Variants in ERC2 observed in about 807,000 individuals in gnomAD.
The protein encoded by ERC2 is ELKS/RAB6-interacting/CAST family member 2, also known as ERC protein 2.
ERC2 carries 42 observed loss-of-function variants against 114.8 expected under a neutral mutation model. The ratio of observed to expected loss-of-function variants is 0.37; its 90% CI spans 0.29 to 0.47. The LOEUF is 0.47. Among genes scored for constraint, ERC2 ranks in the 20% least tolerant of loss-of-function variants. The pLI is 0.99. For synonymous variants in ERC2, 454 were observed against 425.5 expected, an observed-to-expected ratio of 1.07 and a Z score of -0.82; for missense variants, 939 against 1,150.7, an observed-to-expected ratio of 0.82 and a Z score of 2.66.
intron 3 of ERC2, among the ~76,000 whole-genome samples, chr3:56,290,870 T>C (rs1033607326): frequency 2.6e-5 from 4 of 152,158 alleles, no homozygotes; most frequent in South Asian, 2.1e-4. Flanking sequence ...CCAGGTCTCC[T>C]GGGGGTTTTG....
At chr3:55,913,646 G>T (rs1576166959) in intron 13 of ERC2, among the ~76,000 whole-genome samples, 1 of 152,270 alleles carries the variant, frequency 6.6e-6, no homozygotes, top group East Asian at 1.9e-4. Flanking sequence ...GGGACAATTG[G>T]AAGATGACTT....
chr3:56,144,958 G>C (rs1205658625), intron 5 of ERC2, among the ~76,000 whole-genome samples: 2 of 152,154 alleles, frequency 1.3e-5, no homozygotes, highest in African/African-American at 4.8e-5. Context: ...ACTGAGGCCA[G>C]GGAAGGTCTG....
chr3:55,987,836 T>C (rs2070750743), intron 11 of ERC2, among the ~76,000 whole-genome samples: 2 of 152,152 alleles, frequency 1.3e-5, no homozygotes, highest in African/African-American at 4.8e-5. Flanking sequence ...GGAAGGCTGT[T>C]TTCCATTCTG....
chr3:55,779,020 T>C (rs1359633885), intron 14 of ERC2, among the ~76,000 whole-genome samples: 2 of 151,156 alleles, frequency 1.3e-5, no homozygotes, highest in Non-Finnish European at 2.9e-5. Flanking sequence ...ACAAAAATAA[T>C]AGGGAAGAGG....
chr3:56,398,533 G>C (rs2060399436), intron 2 of ERC2, among the ~76,000 whole-genome samples: 1 of 151,906 alleles, frequency 6.6e-6, no homozygotes, highest in African/African-American at 2.4e-5. Context: ...AATTTACTGA[G>C]TATCATATAA....
intron 15 of ERC2, among the ~76,000 whole-genome samples, chr3:55,730,118 A>G (rs566150643): frequency 6.6e-6 from 1 of 152,094 alleles, no homozygotes; most frequent in Non-Finnish European, 1.5e-5. Context: ...GGGGCTGATC[A>G]TGGCTCACAA....
In ERC2 at chr3:55,509,257, C is replaced by A. The variant is rs1293626275; in HGVS notation, c.*2059G>T. On this transcript the variant is annotated 3_prime_UTR_variant, in exon 18 of 18. Coordinates refer to ENST00000288221, the MANE Select transcript of ERC2 (RefSeq NM_015576.3). ...GGTTTTTTTTTTCTGTTTCAAGGAC[C>A]CTATTTTCCCTACTGGATTTCCTAC... The A allele has an allele frequency of 6.6e-6, 1 of 152,350 alleles. No individual in the cohort carries two copies. Among genetic ancestry groups the A allele is most frequent in the Non-Finnish European group, 1.5e-5 (1 of 67,986 alleles). The allele number at this position is 152,350 out of a possible 1,614,324, so 9.4% of individuals were successfully genotyped here.
chr3:55,950,398 C>A (rs183732297), intron 13 of ERC2, 27 bp downstream of exon 13: 2 of 1,610,542 alleles, frequency 1.2e-6, no homozygotes, highest in Non-Finnish European at 1.7e-6. Flanking sequence ...AGTTATTTAG[C>A]GATTAAGAAG....
Position 56,338,111 on chromosome 3 carries a change from A to C in ERC2, c.658-41676T>G, listed in dbSNP as rs2057931555. On this transcript the variant is annotated intron_variant, in intron 2 of 17. Coordinates refer to ENST00000288221, the MANE Select transcript of ERC2 (RefSeq NM_015576.3). ...TACTTAGGTGGTAAAAGAATAAAGA[A>C]AAACAAGGAAGATTACCATGAAGTC... 2.0e-5 allele frequency among the ~76,000 whole-genome samples: 3 copies of C among 152,218 alleles called. No homozygotes were observed. The South Asian group carries it at 6.2e-4, about 32-fold the overall frequency.
At chr3:55,838,271 A>T (rs1575788895) in intron 14 of ERC2, among the ~76,000 whole-genome samples, 1 of 152,082 alleles carries the variant, frequency 6.6e-6, no homozygotes, top group East Asian at 1.9e-4. Context: ...TTTCTAGTGC[A>T]CATGGAACAC....
chr3:55,961,690 T>C (rs2149468331), intron 12 of ERC2, among the ~76,000 whole-genome samples: 1 of 139,836 alleles, frequency 7.2e-6, no homozygotes, highest in Middle Eastern at 3.5e-3. Flanking sequence ...TTTTGCCACA[T>C]GCTTTATGTG....
At chr3:56,323,699 T>C (rs1199638708) in intron 2 of ERC2, among the ~76,000 whole-genome samples, 1 of 152,194 alleles carries the variant, frequency 6.6e-6, no homozygotes, top group East Asian at 1.9e-4. Context: ...AAACATCCAG[T>C]AAATGGCCCA....
At chr3:56,334,280 C>A (rs745848640) in intron 2 of ERC2, among the ~76,000 whole-genome samples, 7 of 152,196 alleles carry the variant, frequency 4.6e-5, no homozygotes, top group Non-Finnish European at 7.3e-5. Flanking sequence ...GGCAGGAGGG[C>A]TTCAGGATGG....
intron 7 of ERC2, among the ~76,000 whole-genome samples, chr3:56,046,803 A>C (rs896393285): frequency 2.6e-5 from 4 of 152,214 alleles, no homozygotes; most frequent in African/African-American, 9.6e-5. Flanking sequence ...TGGACAGATA[A>C]GCTGAAATAG....
intron 17 of ERC2, among the ~76,000 whole-genome samples, chr3:55,567,978 C>T (rs1168394254): frequency 6.6e-6 from 1 of 152,128 alleles, no homozygotes; most frequent in African/African-American, 2.4e-5. Flanking sequence ...TGGCTGTTTT[C>T]AGTGGTTTTT....
chr3:56,140,686 A>G (rs992105476), intron 5 of ERC2, among the ~76,000 whole-genome samples: 4 of 152,198 alleles, frequency 2.6e-5, no homozygotes, highest in Admixed American at 1.3e-4. Context: ...TCAAGTGTCT[A>G]TCTAAGATTT....
intron 17 of ERC2, among the ~76,000 whole-genome samples, chr3:55,593,110 G>A (rs1249184734): frequency 6.6e-6 from 1 of 152,184 alleles, no homozygotes; most frequent in African/African-American, 2.4e-5. Context: ...TAACTAACTA[G>A]ACTTGGGACT....
Position 55,719,751 on chromosome 3 carries a change from C to T in ERC2, c.2712+15020G>A, listed in dbSNP as rs116608262. On this transcript the variant is annotated intron_variant, in intron 15 of 17. Transcript: ENST00000288221. ...TGTTTCCCTGCCTTAGCAAGGATTG[C>T]ATCAGTAGAAAGCTCAGGAACACAC... Among the ~76,000 whole-genome samples, 691 of 152,204 alleles carry T rather than the reference C, an allele frequency of 4.5e-3. 6 individuals are homozygous for T. The highest frequency in any genetic ancestry group is 0.016 in the African/African-American group (669 of 41,530).
intron 14 of ERC2, among the ~76,000 whole-genome samples, chr3:55,761,847 G>C (rs1396195358): frequency 2.7e-5 from 4 of 149,686 alleles, no homozygotes; most frequent in Non-Finnish European, 5.9e-5. Context: ...CTGCACTCTG[G>C]CCTGGGCGAA....
Sources: allele counts gnomAD v4.1 joint callset (sites outside exome capture counted in the v4.1 genomes callset), GRCh38; gene constraint gnomAD v4.1.1; transcripts MANE v1.5; gene names NCBI Gene and HGNC (gene_info 2026-07-23, HGNC 2026-07-21).